The following MBD5 variants were observed in gnomAD, a reference collection of about 807,000 sequenced individuals.
MBD5 encodes methyl-CpG-binding domain protein 5.
Under a neutral mutation model 117.3 loss-of-function variants are expected in MBD5, and 13 were observed. The observed-to-expected ratio is 0.11, with a 90% CI of 0.07 to 0.18. The LOEUF is 0.18. MBD5 is among the 10% of genes least tolerant of loss of function. The pLI, the probability that MBD5 is intolerant of heterozygous loss-of-function variation, is 1.00. For missense variants in MBD5, 1,879 were observed against 2,093.8 expected (o/e 0.90, Z 2.00); for synonymous variants, 727 against 766.4 (o/e 0.95, Z 0.85).
Position 148,471,414 on chromosome 2 carries a change from G to A in MBD5, c.2518+953G>A, listed in dbSNP as rs563983888. On this transcript the variant is annotated intron_variant, in intron 8 of 13. Coordinates refer to ENST00000642680, the MANE Select transcript of MBD5 (RefSeq NM_001378120.1). ...ACTAATGATTTATGAGAAATGACAA[G>A]GAGGAAATAAAAGATGGTTGTAAAG... 3.3e-5 allele frequency: 5 copies of A among 152,196 alleles called. No individual in the cohort carries two copies. The South Asian group carries it at 8.3e-4, about 25-fold the overall frequency. The allele number at this position is 152,196 out of a possible 1,614,324, so 9.4% of individuals were successfully genotyped here.
At chr2:148,181,871 A>G (rs2105858930) in intron 2 of MBD5, among the ~76,000 whole-genome samples, 1 of 152,284 alleles carries the variant, frequency 6.6e-6, no homozygotes, top group Middle Eastern at 3.4e-3. Flanking sequence ...GCTGGAGTAC[A>G]TGAGTGCTAC....
At chr2:148,149,559 G>C (rs1245317000) in intron 1 of MBD5, among the ~76,000 whole-genome samples, 3 of 151,494 alleles carry the variant, frequency 2.0e-5, no homozygotes, top group Admixed American at 6.6e-5. Flanking sequence ...CCCACCAACA[G>C]TGTAAAAGTG....
chr2:148,392,567 C>A (rs1036389173), intron 4 of MBD5, among the ~76,000 whole-genome samples: 11 of 152,102 alleles, frequency 7.2e-5, no homozygotes, highest in Non-Finnish European at 1.6e-4. Context: ...TGTTCCCTGG[C>A]TTTTTTGGTG....
chr2:148,508,416 A>AC (rs1441483307), intron 12 of MBD5, among the ~76,000 whole-genome samples: 2 of 152,208 alleles, frequency 1.3e-5, no homozygotes, highest in African/African-American at 2.4e-5. Context: ...TTTAAAAAAA[A>AC]ACACACATAA....
At chr2:148,173,198 G>A (rs1698304683) in intron 1 of MBD5, among the ~76,000 whole-genome samples, 1 of 152,152 alleles carries the variant, frequency 6.6e-6, no homozygotes, top group Non-Finnish European at 1.5e-5. Context: ...CCAAACCAGG[G>A]GGCTCCTTGA....
chr2:148,358,659 A>C (rs1053234755), intron 4 of MBD5, among the ~76,000 whole-genome samples: 2 of 148,892 alleles, frequency 1.3e-5, no homozygotes, highest in African/African-American at 4.9e-5. Flanking sequence ...TGGTACACGC[A>C]TGTGGTCTCA....
At chr2:148,201,985 C>T (rs192149294) in intron 2 of MBD5, among the ~76,000 whole-genome samples, 166 of 152,210 alleles carry the variant, frequency 1.1e-3, no homozygotes, top group African/African-American at 3.4e-3. Flanking sequence ...GTTCTCAGTC[C>T]GGTCCTTGGA....
chr2:148,104,911 TATA>T (rs1208929003), intron 1 of MBD5, among the ~76,000 whole-genome samples: 2 of 152,168 alleles, frequency 1.3e-5, no homozygotes, highest in African/African-American at 4.8e-5. Context: ...AATAGGATAT[TATA>T]ATATCCCATT....
chr2:148,205,035 T>C (rs1699242324), intron 2 of MBD5, among the ~76,000 whole-genome samples: 1 of 152,076 alleles, frequency 6.6e-6, no homozygotes, highest in Non-Finnish European at 1.5e-5. Context: ...TCTACCTGTT[T>C]TCTCCACTTT....
chr2:148,118,216 C>CA (rs747215376), intron 1 of MBD5, among the ~76,000 whole-genome samples: 7 of 152,148 alleles, frequency 4.6e-5, no homozygotes, highest in Non-Finnish European at 8.8e-5. Flanking sequence ...GACAGAGTCT[C>CA]ATTCTACCAA....
At position 148,096,715 on chromosome 2, in the gene MBD5, C is replaced by T. The variant is rs190211447; in HGVS notation, c.-925+75031C>T. On this transcript the variant is annotated intron_variant, in intron 1 of 13. Coordinates refer to ENST00000642680, the MANE Select transcript of MBD5 (RefSeq NM_001378120.1). ...TTTTGTTATGTTTCTTTTAATTGTA[C>T]TGTCATTGGATTTATATTTTGTTCA... is the stretch of plus-strand genomic sequence containing the variant. Among the ~76,000 whole-genome samples the T allele has an allele frequency of 2.6e-5, 4 of 152,262 alleles. No individual in the cohort carries two copies. In the East Asian group the frequency reaches 5.8e-4, roughly 22 times the overall value.
In MBD5 at chr2:148,021,510, G is replaced by A. The variant is rs184721377; in HGVS notation, c.-1099G>A. On this transcript the variant is annotated 5_prime_UTR_variant, in exon 1 of 14. Transcript: ENST00000642680. The stretch of plus-strand genomic sequence containing the variant: ...TGCTGCTGCTGCTACTGCTGCTGCT[G>A]CTACTGCTGCTGCTTGGCCCTGGCT... The A allele has an allele frequency of 3.5e-6, 2 of 575,340 alleles. No homozygotes were observed. The highest frequency in any genetic ancestry group is 4.5e-5 in the East Asian group (1 of 22,264). The allele number at this position is 575,340 out of a possible 1,614,324, so 35.6% of individuals were successfully genotyped here.
intron 1 of MBD5, among the ~76,000 whole-genome samples, chr2:148,063,378 G>A (rs1231986696): frequency 6.6e-6 from 1 of 152,094 alleles, no homozygotes; most frequent in African/African-American, 2.4e-5. Context: ...GTTGGGGATC[G>A]TTAGGGTTCT....
In MBD5 at chr2:148,446,231, G is replaced by A. The variant is rs554549752; in HGVS notation, c.-556-11972G>A. ...CCACGCCTATGTCCTGAATGGTATT[G>A]CCTAGGTTTTCTTCTAGGGTTTTTA... On this transcript the variant is annotated intron_variant, in intron 4 of 13. Coordinates refer to ENST00000642680, the MANE Select transcript of MBD5 (RefSeq NM_001378120.1). Among the ~76,000 whole-genome samples the A allele has an allele frequency of 1.5e-3, 233 of 152,034 alleles. 1 individual carries two copies. Among genetic ancestry groups the A allele is most frequent in the Non-Finnish European group, 2.7e-3 (186 of 67,992 alleles).
chr2:148,499,123 G>C (rs1681795262), intron 11 of MBD5, among the ~76,000 whole-genome samples: 1 of 151,850 alleles, frequency 6.6e-6, no homozygotes, highest in Non-Finnish European at 1.5e-5. Flanking sequence ...TGAGAACCCT[G>C]TTTCTACAAA....
chr2:148,131,521 C>A (rs1374302357), intron 1 of MBD5, among the ~76,000 whole-genome samples: 1 of 151,980 alleles, frequency 6.6e-6, no homozygotes, highest in Non-Finnish European at 1.5e-5. Flanking sequence ...TAACAAGACC[C>A]CCATCTCTTC....
intron 1 of MBD5, among the ~76,000 whole-genome samples, chr2:148,060,962 CTT>C (rs1388979357): frequency 1.3e-5 from 2 of 152,002 alleles, no homozygotes; most frequent in Admixed American, 6.6e-5. Flanking sequence ...CTATTTATCT[CTT>C]GTTTTATTCT....
chr2:148,214,034 C>T (rs16828443), intron 2 of MBD5, among the ~76,000 whole-genome samples: 4,878 of 152,138 alleles, frequency 0.032, 289 homozygotes, highest in African/African-American at 0.11. Context: ...ATTCATTTGC[C>T]TCAGGTGCTT....
rs1381001783 is a variant in MBD5 at position 148,157,412 on chromosome 2, T to C, written c.-924-21288T>C. Among the ~76,000 whole-genome samples, 5 of 152,136 alleles carry C rather than the reference T, an allele frequency of 3.3e-5. No individual in the cohort carries two copies. The East Asian group carries it at 9.6e-4, about 29-fold the overall frequency. ...GTTTTTTTAAAAGCATGGTATTTTA[T>C]CATAGACAATAGGTTGTCTTCTCCA... On this transcript the variant is annotated intron_variant, in intron 1 of 13. Coordinates refer to ENST00000642680, the MANE Select transcript of MBD5 (RefSeq NM_001378120.1).
Sources: gnomAD v4.1 joint callset for allele counts (sites outside exome capture counted in the v4.1 genomes callset) on GRCh38, gnomAD v4.1.1 for gene constraint, MANE v1.5 for transcripts, NCBI Gene and HGNC (gene_info 2026-07-23, HGNC 2026-07-21) for gene names.